The following IGF1R variants were observed in gnomAD, a reference collection of about 807,000 sequenced individuals.
IGF1R encodes the protein insulin-like growth factor 1 receptor.
IGF1R carries 44 observed loss-of-function variants against 144.6 expected under a neutral mutation model. That is an observed-to-expected ratio of 0.30 (90% CI 0.24 to 0.39). The LOEUF (loss-of-function observed/expected upper bound fraction) is 0.39. Among genes scored for constraint, IGF1R ranks in the 10% least tolerant of loss-of-function variants. The pLI, the probability that IGF1R is intolerant of heterozygous loss-of-function variation, is 1.00. For synonymous variants in IGF1R, 795 were observed against 722.8 expected (o/e 1.10, Z -1.60); for missense variants, 1,355 against 1,833.7 (o/e 0.74, Z 4.77).
Position 98,962,673 on chromosome 15 carries a change from G to C in IGF1R, c.*5231G>C, listed in dbSNP as rs943519906. On this transcript the variant is annotated 3_prime_UTR_variant, in exon 21 of 21. Transcript: ENST00000650285. ...ATTGTCACAGGGATCCTGGCACAGA[G>C]AAGAGTTACGAGCAGCAGGGTGCAG... The C allele has an allele frequency of 4.3e-6, 1 of 233,744 alleles. No individual in the cohort carries two copies. The allele number at this position is 233,744 out of a possible 1,614,324, so 14.5% of individuals were successfully genotyped here.
chr15:98,719,699 T>C (rs2054202432), intron 2 of IGF1R, among the ~76,000 whole-genome samples: 1 of 152,214 alleles, frequency 6.6e-6, no homozygotes, highest in Admixed American at 6.5e-5. Context: ...CTGTGTCTTC[T>C]GCTCATTGTG....
chr15:98,757,238 A>C (rs1450364831), intron 2 of IGF1R, among the ~76,000 whole-genome samples: 1 of 151,874 alleles, frequency 6.6e-6, no homozygotes, highest in African/African-American at 2.4e-5. Flanking sequence ...ATCTTGGCTC[A>C]CTGCAGCCTC....
At chr15:98,779,728 G>A (rs917167428) in intron 2 of IGF1R, among the ~76,000 whole-genome samples, 5 of 152,170 alleles carry the variant, frequency 3.3e-5, no homozygotes, top group South Asian at 2.1e-4. Flanking sequence ...AGGACATTCC[G>A]TCTGCGGGGA....
intron 2 of IGF1R, among the ~76,000 whole-genome samples, chr15:98,759,452 G>A (rs748328300): frequency 6.6e-6 from 1 of 152,188 alleles, no homozygotes; most frequent in South Asian, 2.1e-4. Flanking sequence ...GACTTGGTCC[G>A]ACATTGAAGT....
chr15:98,946,456 ATGT>A (rs1204924518), intron 19 of IGF1R, among the ~76,000 whole-genome samples: 3 of 152,128 alleles, frequency 2.0e-5, no homozygotes, highest in Non-Finnish European at 4.4e-5. Context: ...ATTGAGCAAG[ATGT>A]TGTAACCAAA....
chr15:98,962,133 T>C lies in IGF1R; in HGVS notation c.*4691T>C, dbSNP rs1009428876. Reference sequence around the variant, plus strand: ...TGTGGCAAGATCACACTGAGATCGATGGGTGAGAAGGCTAGGATGCTTGTC... The same window carrying C: ...TGTGGCAAGATCACACTGAGATCGACGGGTGAGAAGGCTAGGATGCTTGTC... On this transcript the variant is annotated 3_prime_UTR_variant, in exon 21 of 21. Coordinates refer to ENST00000650285, the MANE Select transcript of IGF1R (RefSeq NM_000875.5). 6 of 233,150 alleles carry C rather than the reference T, an allele frequency of 2.6e-5. No individual in the cohort carries two copies. Among genetic ancestry groups the C allele is most frequent in the Non-Finnish European group, 4.2e-5 (5 of 118,058 alleles). 14.4% of individuals were successfully genotyped at this position (233,150 alleles called of 1,614,324 possible).
chr15:98,739,189 A>G (rs1399421616), intron 2 of IGF1R, among the ~76,000 whole-genome samples: 2 of 152,210 alleles, frequency 1.3e-5, no homozygotes, highest in Admixed American at 6.5e-5. Flanking sequence ...CTTGGGAACT[A>G]TGCAGAAACA....
chr15:98,886,367 A>G lies in IGF1R; in HGVS notation c.641-4958A>G, dbSNP rs143137685. The stretch of plus-strand genomic sequence containing the variant: ...TTTATGTGATTGCAAACCTGAACCA[A>G]TCCTTTTAGTGGTGGATGTGGGACA... On this transcript the variant is annotated intron_variant, in intron 2 of 20. Coordinates refer to ENST00000650285, the MANE Select transcript of IGF1R (RefSeq NM_000875.5). 2.8e-3 allele frequency among the ~76,000 whole-genome samples: 433 copies of G among 152,238 alleles called. 2 individuals are homozygous for G. Among genetic ancestry groups the G allele is most frequent in the Non-Finnish European group, 4.9e-3 (334 of 68,018 alleles).
intron 1 of IGF1R, among the ~76,000 whole-genome samples, chr15:98,656,303 A>G (rs2052483242): frequency 6.6e-6 from 1 of 152,202 alleles, no homozygotes; most frequent in Non-Finnish European, 1.5e-5. Context: ...TAACCCCAGC[A>G]CTTTGGGAGG....
At chr15:98,739,220 G>C (rs991683489) in intron 2 of IGF1R, among the ~76,000 whole-genome samples, 1 of 152,178 alleles carries the variant, frequency 6.6e-6, no homozygotes, top group African/African-American at 2.4e-5. Context: ...GGTGGTGGCT[G>C]ATCCTGACCG....
chr15:98,885,816 A>ATTTT lies in IGF1R; in HGVS notation c.641-5496_641-5493dup, dbSNP rs3073979. On this transcript the variant is annotated intron_variant, in intron 2 of 20. Transcript: ENST00000650285. ...TCCTTGTGAAGAGGTTGAGTCTCCT[A>ATTTT]TTTTTTTTTTTTTTTTGGAGATAGA... Among the ~76,000 whole-genome samples, 375 of 137,708 alleles carry ATTTT rather than the reference A, an allele frequency of 2.7e-3. 6 individuals are homozygous for ATTTT. Among genetic ancestry groups the ATTTT allele is most frequent in the African/African-American group, 9.5e-3 (356 of 37,486 alleles). The allele number at this position is 137,708 out of a possible 152,430, so 90.3% of individuals were successfully genotyped here. A position where few individuals can be genotyped will look rare whatever the true frequency, so the allele number is the denominator to read the frequency against.
At chr15:98,714,615 T>G (rs1274916788) in intron 2 of IGF1R, among the ~76,000 whole-genome samples, 2 of 151,974 alleles carry the variant, frequency 1.3e-5, no homozygotes. Flanking sequence ...GCCACTGCAC[T>G]TCAGCCTGGG....
intron 15 of IGF1R, among the ~76,000 whole-genome samples, chr15:98,934,046 G>C (rs769151184): frequency 1.3e-5 from 2 of 151,700 alleles, no homozygotes; most frequent in Non-Finnish European, 2.9e-5. Context: ...AATACGTTTC[G>C]TGTAACCCAG....
chr15:98,721,441 C>T (rs1419482052), intron 2 of IGF1R, among the ~76,000 whole-genome samples: 1 of 152,262 alleles, frequency 6.6e-6, no homozygotes, highest in African/African-American at 2.4e-5. Flanking sequence ...AAAAATCCAT[C>T]TCCCATGTGG....
chr15:98,723,338 C>T (rs1423961982), intron 2 of IGF1R, among the ~76,000 whole-genome samples: 1 of 152,198 alleles, frequency 6.6e-6, no homozygotes, highest in Non-Finnish European at 1.5e-5. Flanking sequence ...CAAAGAAAAA[C>T]TCTGCATATG....
intron 2 of IGF1R, among the ~76,000 whole-genome samples, chr15:98,723,422 A>G (rs1320693810): frequency 6.6e-6 from 1 of 152,240 alleles, no homozygotes; most frequent in African/African-American, 2.4e-5. Context: ...GATTTGTGGC[A>G]AAGAAGATCT....
chr15:98,741,474 T>G (rs1173532080), intron 2 of IGF1R, among the ~76,000 whole-genome samples: 7 of 152,146 alleles, frequency 4.6e-5, no homozygotes, highest in Admixed American at 4.6e-4. Flanking sequence ...TTGTATTGCC[T>G]TTTACCAGAC....
At position 98,961,920 on chromosome 15, in the gene IGF1R, TAGA is replaced by T. The variant is rs2017243041; in HGVS notation, c.*4482_*4484del. The T allele has an allele frequency of 3.4e-5, 8 of 233,196 alleles. No individual in the cohort carries two copies. Among genetic ancestry groups the T allele is most frequent in the Admixed American group, 3.4e-4 (6 of 17,784 alleles). The allele number at this position is 233,196 out of a possible 1,614,324, so 14.4% of individuals were successfully genotyped here. ...TGGTACGAAAAGTGGCTTCGTAAAA[TAGA>T]AGAGCAGTCACTGTGGAACTACCAA... On this transcript the variant is annotated 3_prime_UTR_variant, in exon 21 of 21. Transcript: ENST00000650285.
At chr15:98,921,769 C>A (rs1258707847) in intron 10 of IGF1R, among the ~76,000 whole-genome samples, 2 of 152,196 alleles carry the variant, frequency 1.3e-5, no homozygotes, top group Non-Finnish European at 2.9e-5. Flanking sequence ...TAAATCTTAA[C>A]CACAGCTGAT....
Sources: gnomAD v4.1 joint callset for allele counts (sites outside exome capture counted in the v4.1 genomes callset) on GRCh38, gnomAD v4.1.1 for gene constraint, MANE v1.5 for transcripts, NCBI Gene and HGNC (gene_info 2026-07-23, HGNC 2026-07-21) for gene names.